KAZN: variants seen among roughly 807,000 people sequenced by gnomAD.
KAZN encodes the protein kazrin, periplakin interacting protein.
A neutral mutation model predicts 87.4 loss-of-function variants in KAZN; 40 were observed. The ratio of observed to expected loss-of-function variants is 0.46; its 90% CI spans 0.36 to 0.60. KAZN has a LOEUF of 0.60. Ranked by LOEUF, KAZN falls within the 20% of genes least tolerant of loss-of-function variation. The pLI, the probability that KAZN is intolerant of heterozygous loss-of-function variation, is 0.00. For missense variants in KAZN, 898 were observed against 1,073.9 expected, an observed-to-expected ratio of 0.84 and a Z score of 2.29; for synonymous variants, 466 against 458.3, an observed-to-expected ratio of 1.02 and a Z score of -0.22.
intron 1 of KAZN, among the ~76,000 whole-genome samples, chr1:14,869,351 CTT>C (rs1651893169): frequency 1.3e-5 from 2 of 152,160 alleles, no homozygotes; most frequent in Admixed American, 6.5e-5. Context: ...ACTCTGGACT[CTT>C]TATGGAGCCT....
intron 1 of KAZN, among the ~76,000 whole-genome samples, chr1:14,772,530 A>G (rs1391926628): frequency 6.7e-6 from 1 of 149,978 alleles, no homozygotes; most frequent in Non-Finnish European, 1.5e-5. Context: ...ATTGAGAAAA[A>G]AAAAAAAAAG....
chr1:14,258,945 A>G (rs1019255362), intron 2 of KAZN, among the ~76,000 whole-genome samples: 1 of 152,216 alleles, frequency 6.6e-6, no homozygotes, highest in East Asian at 1.9e-4. Context: ...AACAAAAGCA[A>G]AATGCAGAGT....
At chr1:14,026,899 C>T (rs1476612853) in intron 1 of KAZN, among the ~76,000 whole-genome samples, 3 of 152,008 alleles carry the variant, frequency 2.0e-5, no homozygotes, top group African/African-American at 7.3e-5. Context: ...GAGGAACAGC[C>T]AGATGGGGGA....
At chr1:14,881,713 C>T (rs1405551870) in intron 1 of KAZN, among the ~76,000 whole-genome samples, 1 of 152,200 alleles carries the variant, frequency 6.6e-6, no homozygotes, top group African/African-American at 2.4e-5. Context: ...CAAGTTTCTG[C>T]TCGACCACTT....
At chr1:14,821,577 A>G (rs1216244930) in intron 1 of KAZN, among the ~76,000 whole-genome samples, 1 of 151,932 alleles carries the variant, frequency 6.6e-6, no homozygotes, top group East Asian at 1.9e-4. Context: ...CTAACCCAAT[A>G]CAACTGGTGT....
At chr1:14,637,340 C>T (rs140385217) in intron 1 of KAZN, among the ~76,000 whole-genome samples, 42 of 152,272 alleles carry the variant, frequency 2.8e-4, no homozygotes, top group African/African-American at 9.9e-4. Flanking sequence ...TCTTTGCTTA[C>T]ATTAACTTAT....
intron 1 of KAZN, among the ~76,000 whole-genome samples, chr1:14,932,918 T>C (rs1043762183): frequency 2.0e-5 from 3 of 152,082 alleles, no homozygotes; most frequent in Non-Finnish European, 4.4e-5. Context: ...CCACAATCCA[T>C]TTCCAAAATT....
At chr1:14,428,746 C>T (rs1665882286) in intron 2 of KAZN, among the ~76,000 whole-genome samples, 1 of 151,886 alleles carries the variant, frequency 6.6e-6, no homozygotes, top group Admixed American at 6.6e-5. Context: ...ATAAAACCAT[C>T]AGATTTTGTG....
At chr1:14,335,395 G>T (rs1657181087) in intron 2 of KAZN, among the ~76,000 whole-genome samples, 1 of 151,876 alleles carries the variant, frequency 6.6e-6, no homozygotes, top group African/African-American at 2.4e-5. Flanking sequence ...TAGAGACGGG[G>T]TTTCACCATG....
At chr1:14,326,579 C>T (rs1046880878) in intron 2 of KAZN, among the ~76,000 whole-genome samples, 2 of 152,140 alleles carry the variant, frequency 1.3e-5, no homozygotes, top group East Asian at 3.9e-4. Context: ...CCCCATCCTA[C>T]TCAAAATAAA....
At chr1:14,622,417 G>A (rs1307952610) in intron 1 of KAZN, among the ~76,000 whole-genome samples, 2 of 152,232 alleles carry the variant, frequency 1.3e-5, no homozygotes, top group East Asian at 1.9e-4. Flanking sequence ...AAGGCCAGGC[G>A]TGGTGGCTCA....
At chr1:14,957,680 A>C (rs1663300447) in intron 1 of KAZN, among the ~76,000 whole-genome samples, 1 of 152,152 alleles carries the variant, frequency 6.6e-6, no homozygotes, top group South Asian at 2.1e-4. Context: ...AATCATGAAG[A>C]GGGGAGACGA....
intron 1 of KAZN, among the ~76,000 whole-genome samples, chr1:14,119,273 T>C (rs1344554206): frequency 6.6e-6 from 1 of 152,148 alleles, no homozygotes; most frequent in Non-Finnish European, 1.5e-5. Context: ...AGAGAGCCTT[T>C]CCTTCCCATC....
At chr1:14,663,159 T>C (rs1198820290) in intron 1 of KAZN, among the ~76,000 whole-genome samples, 3 of 151,932 alleles carry the variant, frequency 2.0e-5, no homozygotes, top group African/African-American at 7.3e-5. Context: ...TTTTTTTCCA[T>C]ACAGACAGAA....
chr1:14,041,177 A>G (rs982293818), intron 1 of KAZN, among the ~76,000 whole-genome samples: 1 of 152,164 alleles, frequency 6.6e-6, no homozygotes, highest in Non-Finnish European at 1.5e-5. Flanking sequence ...ATTTTGAACA[A>G]TGTCTGTTGC....
intron 2 of KAZN, among the ~76,000 whole-genome samples, chr1:14,469,383 GA>G (rs1487038897): frequency 2.6e-5 from 4 of 152,144 alleles, no homozygotes; most frequent in Admixed American, 6.5e-5. Flanking sequence ...CACAGCTAGT[GA>G]AAACTAAAAA....
chr1:14,973,088 G>T (rs1054902787), intron 2 of KAZN, among the ~76,000 whole-genome samples: 2 of 152,068 alleles, frequency 1.3e-5, no homozygotes, highest in African/African-American at 2.4e-5. Flanking sequence ...CTCCAAGATC[G>T]TACAGCATGC....
intron 1 of KAZN, among the ~76,000 whole-genome samples, chr1:14,025,575 G>A (rs796651475): frequency 3.3e-5 from 5 of 152,146 alleles, no homozygotes; most frequent in African/African-American, 1.2e-4. Flanking sequence ...ACTAAATTTG[G>A]AGAAACACTG....
At chr1:14,289,861 T>A (rs762290260) in intron 2 of KAZN, among the ~76,000 whole-genome samples, 1 of 152,234 alleles carries the variant, frequency 6.6e-6, no homozygotes, top group Non-Finnish European at 1.5e-5. Flanking sequence ...CAGGAGCTCT[T>A]GTAAGGCAGG....
Sources: allele counts gnomAD v4.1 joint callset (sites outside exome capture counted in the v4.1 genomes callset), GRCh38; gene constraint gnomAD v4.1.1; transcripts MANE v1.5; gene names NCBI Gene and HGNC (gene_info 2026-07-23, HGNC 2026-07-21).